CDKAL1: variants seen among roughly 807,000 people sequenced by gnomAD.
CDKAL1 encodes CDKAL1 threonylcarbamoyladenosine tRNA methylthiotransferase, also known as threonylcarbamoyladenosine tRNA methylthiotransferase.
In CDKAL1, 32 loss-of-function variants were observed where a neutral mutation model predicts 68.2. The observed-to-expected ratio is 0.47, with a 90% CI of 0.35 to 0.63. The LOEUF is 0.63. Ranked by LOEUF, CDKAL1 falls within the 30% of genes least tolerant of loss-of-function variation. The pLI is 0.00. For synonymous variants in CDKAL1, 234 were observed against 244.3 expected (o/e 0.96, Z 0.39); for missense variants, 606 against 696.7 (o/e 0.87, Z 1.47).
At position 20,811,456 on chromosome 6, in the gene CDKAL1, TTC is replaced by T. The variant is rs113618513; in HGVS notation, c.638+30193_638+30194del. ...TCTTTTTGTCTGTTGTTTCATTTTT[TTC>T]TTTCTTCGTTTTTTGCAGTTTATTT... On this transcript the variant is annotated intron_variant, in intron 8 of 15. Coordinates refer to ENST00000274695, the MANE Select transcript of CDKAL1 (RefSeq NM_017774.3). 3.7e-3 allele frequency among the ~76,000 whole-genome samples: 561 copies of T among 152,362 alleles called. 1 individual carries two copies. The highest frequency in any genetic ancestry group is 0.013 in the African/African-American group (538 of 41,582).
intron 4 of CDKAL1, among the ~76,000 whole-genome samples, chr6:20,611,286 C>T (rs376386374): frequency 2.0e-5 from 3 of 152,116 alleles, no homozygotes; most frequent in Admixed American, 2.0e-4. Context: ...CCTTAATTTC[C>T]ATACCTTCAT....
chr6:20,639,952 A>T (rs1172234716), intron 4 of CDKAL1, among the ~76,000 whole-genome samples: 2 of 152,230 alleles, frequency 1.3e-5, no homozygotes, highest in Non-Finnish European at 2.9e-5. Flanking sequence ...TACAGGCGCG[A>T]GCCACCGCGC....
intron 11 of CDKAL1, among the ~76,000 whole-genome samples, chr6:21,003,369 T>C (rs60000593): frequency 0.02 from 925 of 46,248 alleles, 28 homozygotes; most frequent in African/African-American, 0.06. Flanking sequence ...TATATATATA[T>C]ATACACACAC....
At chr6:20,974,354 CT>C (rs1209908788) in intron 10 of CDKAL1, among the ~76,000 whole-genome samples, 1 of 152,152 alleles carries the variant, frequency 6.6e-6, no homozygotes, top group Non-Finnish European at 1.5e-5. Context: ...TAATCTCCAG[CT>C]TGGTGGTCAG....
In CDKAL1 at chr6:20,739,577, C is replaced by A; in HGVS notation, c.430C>A (p.Pro144Thr). The change falls in exon 6 of 16, where the codon CCT becomes ACT. Residue 144 changes from proline to threonine, a missense_variant. By Grantham distance (38) the Pro-to-Thr change is conservative (BLOSUM62 -1). Coordinates refer to ENST00000274695, the MANE Select transcript of CDKAL1 (RefSeq NM_017774.3). ...VLAGCVPQAQ[P>T]RQDYLKGLSI... ...GGCTGGATGCGTTCCTCAAGCCCAG[C>A]CTCGCCAGGACTACCTTAAGGGACT... 6.2e-7 allele frequency: 1 copy of A among 1,612,998 alleles called. No individual in the cohort carries two copies. Among genetic ancestry groups the A allele is most frequent in the Non-Finnish European group, 8.5e-7 (1 of 1,179,248 alleles).
intron 9 of CDKAL1, among the ~76,000 whole-genome samples, chr6:20,916,303 A>G (rs1440000513): frequency 6.6e-6 from 1 of 152,160 alleles, no homozygotes; most frequent in East Asian, 1.9e-4. Context: ...TCATTCGGGG[A>G]ACCTGGGTGA....
chr6:21,135,625 T>G, intron 13 of CDKAL1: 1 of 892,674 alleles, frequency 1.1e-6, no homozygotes, highest in East Asian at 1.2e-4. Flanking sequence ...ACAACATAAT[T>G]TAATTTTCTT....
In CDKAL1 at chr6:20,880,656, A is replaced by T. The variant is rs1325517073; in HGVS notation, c.742+34478A>T. Among the ~76,000 whole-genome samples the T allele has an allele frequency of 2.0e-5, 3 of 152,250 alleles. No homozygotes were observed. The East Asian group carries it at 5.8e-4, about 29-fold the overall frequency. ...TTTTTTGTGATTTATAAATTTCTCT[A>T]TGGCCTGTATCTTATACTGTATACA... On this transcript the variant is annotated intron_variant, in intron 9 of 15. Transcript: ENST00000274695.
At chr6:21,225,183 G>A (rs1054595967) in intron 15 of CDKAL1, among the ~76,000 whole-genome samples, 9 of 152,156 alleles carry the variant, frequency 5.9e-5, no homozygotes, top group African/African-American at 2.2e-4. Flanking sequence ...AGACGAGCAG[G>A]CCCACACGGG....
chr6:20,748,379 A>G (rs1394307067), intron 6 of CDKAL1, among the ~76,000 whole-genome samples: 3 of 151,774 alleles, frequency 2.0e-5, no homozygotes, highest in Non-Finnish European at 2.9e-5. Flanking sequence ...GCATGATGGC[A>G]TACTCCTGTA....
At chr6:20,832,366 C>T (rs1351495157) in intron 8 of CDKAL1, among the ~76,000 whole-genome samples, 3 of 151,764 alleles carry the variant, frequency 2.0e-5, no homozygotes, top group Non-Finnish European at 2.9e-5. Context: ...TCTTGTAAAT[C>T]TCAAATGATC....
At chr6:21,149,215 C>G (rs1776301424) in intron 13 of CDKAL1, among the ~76,000 whole-genome samples, 1 of 152,070 alleles carries the variant, frequency 6.6e-6, no homozygotes, top group Admixed American at 6.5e-5. Flanking sequence ...TCTCAGCTCA[C>G]CACAACTTCC....
intron 5 of CDKAL1, among the ~76,000 whole-genome samples, chr6:20,679,552 A>G (rs924505842): frequency 7.9e-5 from 12 of 152,190 alleles, no homozygotes; most frequent in African/African-American, 2.4e-4. Flanking sequence ...TCTTGGTTGC[A>G]TGAAGCTCAT....
intron 6 of CDKAL1, among the ~76,000 whole-genome samples, chr6:20,748,829 T>C (rs893228372): frequency 2.0e-5 from 3 of 152,042 alleles, no homozygotes; most frequent in African/African-American, 7.2e-5. Flanking sequence ...AGTGGAGTTT[T>C]CAGGTAGTTT....
Position 20,595,439 on chromosome 6 carries a change from A to G in CDKAL1, c.286+46734A>G, listed in dbSNP as rs187862343. On this transcript the variant is annotated intron_variant, in intron 4 of 15. Coordinates refer to ENST00000274695, the MANE Select transcript of CDKAL1 (RefSeq NM_017774.3). Reference sequence around the variant, plus strand: ...ATCTTTAGTCTCTTTAGTCTCTGATATCCTTTCTTCCGCTTGATCCGTTTG... The same window carrying G: ...ATCTTTAGTCTCTTTAGTCTCTGATGTCCTTTCTTCCGCTTGATCCGTTTG... 8.9e-4 allele frequency among the ~76,000 whole-genome samples: 135 copies of G among 152,050 alleles called. 2 individuals carry two copies. The South Asian group carries it at 0.013, about 15-fold the overall frequency.
chr6:20,868,059 TAAAC>T (rs10588127), intron 9 of CDKAL1, among the ~76,000 whole-genome samples: 120,346 of 151,634 alleles, frequency 0.79, 48,582 homozygotes, highest in East Asian at 0.9. Flanking sequence ...TTCTGTATAA[TAAAC>T]AAATCTTATA....
chr6:20,835,954 G>A (rs895151204), intron 8 of CDKAL1, among the ~76,000 whole-genome samples: 1 of 152,036 alleles, frequency 6.6e-6, no homozygotes, highest in African/African-American at 2.4e-5. Context: ...TGTATATGAG[G>A]GAGCCCTGCT....
At chr6:20,721,364 A>T (rs761458178) in intron 5 of CDKAL1, among the ~76,000 whole-genome samples, 70 of 152,102 alleles carry the variant, frequency 4.6e-4, no homozygotes, top group Non-Finnish European at 1.5e-4. Flanking sequence ...TCTATCATTG[A>T]TGGACATTTG....
rs371545664 is a variant in CDKAL1 at position 20,764,960 on chromosome 6, G to T, written c.517+6317G>T. ...GTTAGGAATACTTTCCAGTCTCATC[G>T]GTGTAAGTAAATACATGATAACTTC... On this transcript the variant is annotated intron_variant, in intron 7 of 15. Coordinates refer to ENST00000274695, the MANE Select transcript of CDKAL1 (RefSeq NM_017774.3). Among the ~76,000 whole-genome samples, 246 of 152,166 alleles carry T rather than the reference G, an allele frequency of 1.6e-3. 8 individuals carry two copies. In the South Asian group the frequency reaches 0.049, roughly 30 times the overall value.
Sources: allele counts gnomAD v4.1 joint callset (sites outside exome capture counted in the v4.1 genomes callset), GRCh38; gene constraint gnomAD v4.1.1; transcripts MANE v1.5; gene names NCBI Gene and HGNC (gene_info 2026-07-23, HGNC 2026-07-21).